NECAB1: variants seen among roughly 807,000 people sequenced by gnomAD.
The protein encoded by NECAB1 is N-terminal EF-hand calcium binding protein 1.
A neutral mutation model predicts 57.5 loss-of-function variants in NECAB1; 29 were observed. That is an observed-to-expected ratio of 0.50 (90% confidence interval 0.38 to 0.69). The LOEUF (loss-of-function observed/expected upper bound fraction) is 0.69, where lower values mean the gene tolerates loss of function less well. Ranked by LOEUF, NECAB1 falls within the 30% of genes least tolerant of loss-of-function variation. The pLI is 0.00. For synonymous variants in NECAB1, 142 were observed against 147.7 expected, an observed-to-expected ratio of 0.96 and a Z score of 0.28; for missense variants, 372 against 413.8, an observed-to-expected ratio of 0.90 and a Z score of 0.88.
At chr8:90,835,313 T>C (rs1424940482) in intron 3 of NECAB1, among the ~76,000 whole-genome samples, 3 of 152,150 alleles carry the variant, frequency 2.0e-5, no homozygotes, top group African/African-American at 7.2e-5. Context: ...CTTCTTAGCA[T>C]AGTAAAGTTT....
At chr8:90,940,547 A>G (rs962627830) in intron 9 of NECAB1, 25 of 435,206 alleles carry the variant, frequency 5.7e-5, no homozygotes, top group Non-Finnish European at 9.6e-5. Flanking sequence ...TTTTAAAGGG[A>G]AACACGTCAT....
chr8:90,816,328 C>T (rs574301313), intron 2 of NECAB1, among the ~76,000 whole-genome samples: 204 of 151,818 alleles, frequency 1.3e-3, no homozygotes, highest in African/African-American at 4.7e-3. Context: ...TTAACAGTTT[C>T]CCCTCCTCAC....
At chr8:90,877,307 C>A (rs1043257748) in intron 4 of NECAB1, among the ~76,000 whole-genome samples, 3 of 152,118 alleles carry the variant, frequency 2.0e-5, no homozygotes, top group African/African-American at 7.2e-5. Context: ...GATGGTGTCA[C>A]CAACATTCCC....
At chr8:90,858,065 C>T (rs1421666197) in intron 3 of NECAB1, among the ~76,000 whole-genome samples, 1 of 152,070 alleles carries the variant, frequency 6.6e-6, no homozygotes, top group Non-Finnish European at 1.5e-5. Context: ...AATGTATCAT[C>T]CTGCAACAAT....
Position 90,959,234 on chromosome 8 carries a change from T to C in NECAB1, c.*3722T>C, listed in dbSNP as rs1186494016. 1 of 317,778 alleles carries C rather than the reference T, an allele frequency of 3.1e-6. No homozygotes were observed. The highest frequency in any genetic ancestry group is 5.7e-6 in the Non-Finnish European group (1 of 175,410). 19.7% of individuals were successfully genotyped at this position (317,778 alleles called of 1,614,324 possible). ...TATATGTAACTCATTTTAAAATATA[T>C]TAAATTGTATTCCAAACCTGTTCTT... On this transcript the variant is annotated 3_prime_UTR_variant, in exon 13 of 13. Transcript: ENST00000417640.
At chr8:90,933,841 G>C (rs1039374972) in intron 8 of NECAB1, among the ~76,000 whole-genome samples, 1 of 151,940 alleles carries the variant, frequency 6.6e-6, no homozygotes, top group Non-Finnish European at 1.5e-5. Flanking sequence ...ATTTAATAAA[G>C]AAAAATTAAC....
chr8:90,912,384 A>G (rs1809850564), intron 5 of NECAB1, among the ~76,000 whole-genome samples: 1 of 152,190 alleles, frequency 6.6e-6, no homozygotes, highest in Non-Finnish European at 1.5e-5. Context: ...GAGTTTGTCA[A>G]CGTAAAGGTC....
chr8:90,925,684 T>C, intron 7 of NECAB1, 28 bp downstream of exon 7: 1 of 1,612,274 alleles, frequency 6.2e-7, no homozygotes, highest in South Asian at 1.1e-5. Flanking sequence ...TGTTTTTATT[T>C]GTCAAAGTCT....
At chr8:90,918,604 T>G (rs1810032855) in intron 6 of NECAB1, among the ~76,000 whole-genome samples, 1 of 152,180 alleles carries the variant, frequency 6.6e-6, no homozygotes, top group Admixed American at 6.5e-5. Context: ...GAGCTTGTCT[T>G]GCAAAATCAA....
intron 3 of NECAB1, among the ~76,000 whole-genome samples, chr8:90,835,200 A>G (rs937720559): frequency 2.0e-5 from 3 of 152,170 alleles, no homozygotes; most frequent in African/African-American, 7.2e-5. Flanking sequence ...ATTGATTCTC[A>G]GCATAGTGTT....
intron 6 of NECAB1, among the ~76,000 whole-genome samples, chr8:90,919,243 C>T (rs1411865209): frequency 6.6e-6 from 1 of 152,074 alleles, no homozygotes; most frequent in South Asian, 2.1e-4. Context: ...AACTCTTGCT[C>T]CTGGGGCATA....
At chr8:90,917,689 T>A in intron 6 of NECAB1, 61 bp downstream of exon 6, 4 of 1,485,592 alleles carry the variant, frequency 2.7e-6, no homozygotes, top group Non-Finnish European at 3.6e-6. Context: ...AAAAAACAAT[T>A]GAGAGGCATT....
rs190439437 is a variant in NECAB1 at position 90,851,175 on chromosome 8, T to C, written c.234-20953T>C. Among the ~76,000 whole-genome samples, 13 of 152,356 alleles carry C rather than the reference T, an allele frequency of 8.5e-5. 1 individual carries two copies. The East Asian group carries it at 2.5e-3, about 29-fold the overall frequency. On this transcript the variant is annotated intron_variant, in intron 3 of 12. Coordinates refer to ENST00000417640, the MANE Select transcript of NECAB1 (RefSeq NM_022351.5). ...ACCCGAAGAGGGCATGGAAGCTCCA[T>C]GCACCACTGCCCTCAATACCTTGTC... is the stretch of plus-strand genomic sequence containing the variant.
intron 5 of NECAB1, among the ~76,000 whole-genome samples, chr8:90,901,229 C>A (rs1324715355): frequency 8.3e-6 from 1 of 120,884 alleles, no homozygotes; most frequent in African/African-American, 4.5e-5. Context: ...ATTTAAGTCT[C>A]TCTGTTAAAA....
At position 90,821,391 on chromosome 8, in the gene NECAB1, T is replaced by C. The variant is rs116416801; in HGVS notation, c.125-3326T>C. On this transcript the variant is annotated intron_variant, in intron 2 of 12. Coordinates refer to ENST00000417640, the MANE Select transcript of NECAB1 (RefSeq NM_022351.5). ...CTTGGGGTAAATTAAAATCTCTTTA[T>C]CACAATTTTGATGGTTTCTCATATT... Among the ~76,000 whole-genome samples the C allele has an allele frequency of 1.5e-3, 234 of 151,980 alleles. 1 individual carries two copies. Among genetic ancestry groups the C allele is most frequent in the African/African-American group, 5.5e-3 (227 of 41,516 alleles).
intron 5 of NECAB1, among the ~76,000 whole-genome samples, chr8:90,888,901 G>A (rs147982631): frequency 2.2e-3 from 339 of 152,240 alleles, no homozygotes; most frequent in African/African-American, 7.9e-3. Context: ...TGAATTGACT[G>A]AGATCTCTGG....
At chr8:90,793,847 C>T (rs1811616169) in intron 1 of NECAB1, among the ~76,000 whole-genome samples, 1 of 152,184 alleles carries the variant, frequency 6.6e-6, no homozygotes, top group Admixed American at 6.5e-5. Flanking sequence ...CCTCCTGACT[C>T]ATACACCAGC....
At chr8:90,821,127 T>C (rs1812137584) in intron 2 of NECAB1, among the ~76,000 whole-genome samples, 1 of 151,804 alleles carries the variant, frequency 6.6e-6, no homozygotes, top group South Asian at 2.1e-4. Flanking sequence ...CAAGCCCCCA[T>C]CGCCCATTGA....
At chr8:90,891,915 A>G (rs1002806588) in intron 5 of NECAB1, among the ~76,000 whole-genome samples, 1 of 152,094 alleles carries the variant, frequency 6.6e-6, no homozygotes, top group Non-Finnish European at 1.5e-5. Context: ...GCTGGTCTCG[A>G]ACTTCTGGGC....
Sources: allele counts gnomAD v4.1 joint callset (sites outside exome capture counted in the v4.1 genomes callset), GRCh38; gene constraint gnomAD v4.1.1; transcripts MANE v1.5; gene names NCBI Gene and HGNC (gene_info 2026-07-23, HGNC 2026-07-21).